Variants in TRHDE observed in about 807,000 individuals in gnomAD.
TRHDE encodes the protein thyrotropin releasing hormone degrading enzyme.
In TRHDE, 72 loss-of-function variants were observed where a neutral mutation model predicts 125.7. That is an observed-to-expected ratio of 0.57 (90% CI 0.47 to 0.70). TRHDE has a LOEUF of 0.70. TRHDE is among the 30% of genes least tolerant of loss of function. The probability of loss-of-function intolerance (pLI) is 0.00; values close to 1 mark genes in which losing one functional copy is unlikely to be tolerated. For synonymous variants in TRHDE, 509 were observed against 509.1 expected, an observed-to-expected ratio of 1.00 and a Z score of 0.00; for missense variants, 1,110 against 1,327.1, an observed-to-expected ratio of 0.84 and a Z score of 2.54.
chr12:72,393,841 T>A (rs1872693915), intron 3 of TRHDE, among the ~76,000 whole-genome samples: 1 of 152,182 alleles, frequency 6.6e-6, no homozygotes, highest in African/African-American at 2.4e-5. Context: ...ATGAATTTCA[T>A]GAAAATATTA....
rs140166883 is a variant in TRHDE, at chr12:72,422,666, G to A, written c.1315+44545G>A. ...AGAAATAGTTGACTGTTTCTGTAAC[G>A]TCTTCAGCTTCTTGACCTTCTGAGT... On this transcript the variant is annotated intron_variant, in intron 3 of 18. Coordinates refer to ENST00000261180, the MANE Select transcript of TRHDE (RefSeq NM_013381.3). 1.9e-4 allele frequency among the ~76,000 whole-genome samples: 29 copies of A among 152,200 alleles called. No individual in the cohort carries two copies. The East Asian group carries it at 2.5e-3, about 13-fold the overall frequency.
chr12:72,145,798 C>A (rs1876213458), intron 2 of TRHDE, among the ~76,000 whole-genome samples: 1 of 152,170 alleles, frequency 6.6e-6, no homozygotes, highest in South Asian at 2.1e-4. Context: ...TAATTAATTC[C>A]TCCCAGTTCT....
intron 2 of TRHDE, among the ~76,000 whole-genome samples, chr12:72,318,693 A>G (rs1868928608): frequency 6.6e-6 from 1 of 151,304 alleles, no homozygotes; most frequent in Admixed American, 6.6e-5. Context: ...ATTATGTCCC[A>G]GCTGAGTGAT....
chr12:72,394,297 C>T (rs556708898), intron 3 of TRHDE, among the ~76,000 whole-genome samples: 1 of 152,058 alleles, frequency 6.6e-6, no homozygotes. Context: ...AAAGGAGATC[C>T]TTAGGGCAGC....
chr12:72,636,116 T>G (rs1183954855), intron 15 of TRHDE, among the ~76,000 whole-genome samples: 1 of 152,144 alleles, frequency 6.6e-6, no homozygotes, highest in Non-Finnish European at 1.5e-5. Context: ...TTCATGATAT[T>G]GATTCTTCCT....
chr12:72,358,935 CA>C (rs1193174568), intron 2 of TRHDE, among the ~76,000 whole-genome samples: 2 of 151,392 alleles, frequency 1.3e-5, no homozygotes, highest in Non-Finnish European at 3.0e-5. Flanking sequence ...GATACTGAAT[CA>C]GTTGTCAAAA....
intron 2 of TRHDE, among the ~76,000 whole-genome samples, chr12:72,350,972 C>T (rs150645058): frequency 6.6e-6 from 1 of 151,918 alleles, no homozygotes; most frequent in Non-Finnish European, 1.5e-5. Flanking sequence ...CAATTGCATA[C>T]AATTGACTGT....
chr12:72,617,762 T>A (rs759212792), intron 12 of TRHDE, among the ~76,000 whole-genome samples: 11 of 152,196 alleles, frequency 7.2e-5, no homozygotes, highest in Non-Finnish European at 1.5e-4. Flanking sequence ...GAGCTTGGTC[T>A]GCTTCAAAGA....
At chr12:72,523,657 A>C (rs1309205882) in intron 6 of TRHDE, among the ~76,000 whole-genome samples, 1 of 152,194 alleles carries the variant, frequency 6.6e-6, no homozygotes, top group Non-Finnish European at 1.5e-5. Context: ...GCATTGATTT[A>C]GCTTAATGGC....
chr12:72,445,658 T>C (rs1459239545), intron 3 of TRHDE, among the ~76,000 whole-genome samples: 1 of 151,976 alleles, frequency 6.6e-6, no homozygotes, highest in East Asian at 1.9e-4. Flanking sequence ...TCCACTGATT[T>C]ATTTCCAACT....
chr12:72,267,180 A>G (rs1350417607), intron 2 of TRHDE, among the ~76,000 whole-genome samples: 3 of 152,102 alleles, frequency 2.0e-5, no homozygotes, highest in Non-Finnish European at 2.9e-5. Flanking sequence ...ACTTTGGTCT[A>G]TATTATGTTT....
rs567101986 is a variant in TRHDE, at chr12:72,317,710, A to G, written c.1188+30756A>G. 1.2e-4 allele frequency among the ~76,000 whole-genome samples: 19 copies of G among 152,324 alleles called. No homozygotes were observed. The South Asian group carries it at 3.9e-3, about 32-fold the overall frequency. ...AAACATAGCAACAGGTGTGGAAACCATAGGTACATGAAAGAGGGACACCAA... is the reference window on the plus strand; with the variant it reads ...AAACATAGCAACAGGTGTGGAAACCGTAGGTACATGAAAGAGGGACACCAA... On this transcript the variant is annotated intron_variant, in intron 2 of 18. Coordinates refer to ENST00000261180, the MANE Select transcript of TRHDE (RefSeq NM_013381.3).
intron 6 of TRHDE, among the ~76,000 whole-genome samples, chr12:72,535,401 A>G (rs1400003054): frequency 2.0e-5 from 3 of 152,052 alleles, no homozygotes; most frequent in Non-Finnish European, 4.4e-5. Context: ...TCTCTAGGAG[A>G]CAGTGAAATA....
At chr12:72,203,691 C>CCA in intron 2 of TRHDE, among the ~76,000 whole-genome samples, 1 of 152,142 alleles carries the variant, frequency 6.6e-6, no homozygotes, top group Admixed American at 6.5e-5. Context: ...TAGTTGTTTA[C>CCA]TAACTTGGAG....
intron 2 of TRHDE, among the ~76,000 whole-genome samples, chr12:72,294,021 A>G (rs1356928351): frequency 6.6e-6 from 1 of 152,058 alleles, no homozygotes; most frequent in Non-Finnish European, 1.5e-5. Flanking sequence ...AGCGGCTTTC[A>G]TGGCTGGTAC....
chr12:72,444,036 TTGCATA>T (rs1875152929), intron 3 of TRHDE, among the ~76,000 whole-genome samples: 1 of 151,862 alleles, frequency 6.6e-6, no homozygotes. Context: ...CTTCCTCTTT[TTGCATA>T]TAAAGAAGAA....
intron 3 of TRHDE, among the ~76,000 whole-genome samples, chr12:72,452,222 G>A (rs1249079640): frequency 2.0e-5 from 3 of 151,924 alleles, no homozygotes; most frequent in Non-Finnish European, 4.4e-5. Flanking sequence ...AAACAGGATA[G>A]TTTATTTGAT....
chr12:72,323,506 C>T (rs1217092659), intron 2 of TRHDE, among the ~76,000 whole-genome samples: 1 of 152,126 alleles, frequency 6.6e-6, no homozygotes, highest in Non-Finnish European at 1.5e-5. Flanking sequence ...GGTGGTCATG[C>T]CTCTGAAGGG....
intron 15 of TRHDE, among the ~76,000 whole-genome samples, chr12:72,643,223 T>C (rs1874141207): frequency 6.6e-6 from 1 of 152,238 alleles, no homozygotes; most frequent in East Asian, 1.9e-4. Flanking sequence ...CAACTGCTAA[T>C]AGGGCTATTT....
Sources: gnomAD v4.1 joint callset for allele counts (sites outside exome capture counted in the v4.1 genomes callset) on GRCh38, gnomAD v4.1.1 for gene constraint, MANE v1.5 for transcripts, NCBI Gene and HGNC (gene_info 2026-07-23, HGNC 2026-07-21) for gene names.